The following TASP1 variants were observed in gnomAD, a reference collection of about 807,000 sequenced individuals.
The protein encoded by TASP1 is threonine aspartase 1.
A neutral mutation model predicts 56.6 loss-of-function variants in TASP1; 16 were observed. That is an observed-to-expected ratio of 0.28 (90% CI 0.19 to 0.43). The LOEUF is 0.43. Ranked by LOEUF, TASP1 falls within the 20% of genes least tolerant of loss-of-function variation. The pLI, the probability that TASP1 is intolerant of heterozygous loss-of-function variation, is 1.00. For synonymous variants in TASP1, 179 were observed against 184.2 expected (o/e 0.97, Z 0.23); for missense variants, 393 against 511.6 (o/e 0.77, Z 2.24).
chr20:13,595,775 T>A (rs2047706066), intron 4 of TASP1, among the ~76,000 whole-genome samples: 1 of 152,134 alleles, frequency 6.6e-6, no homozygotes, highest in African/African-American at 2.4e-5. Context: ...ACAATAATAA[T>A]GGGAGACTTT....
intron 10 of TASP1, among the ~76,000 whole-genome samples, chr20:13,525,683 G>T (rs1043958312): frequency 6.6e-6 from 1 of 152,126 alleles, no homozygotes; most frequent in African/African-American, 2.4e-5. Context: ...CCAAACAGTT[G>T]CAAAATTCAG....
intron 6 of TASP1, among the ~76,000 whole-genome samples, chr20:13,575,555 G>A (rs961056348): frequency 1.1e-3 from 162 of 152,250 alleles, no homozygotes; most frequent in Admixed American, 2.1e-3. Context: ...GTGAGGCTTC[G>A]CCAGCCATGT....
the TASP1 span, among the ~76,000 whole-genome samples, chr20:13,289,552 G>C: frequency 6.6e-6 from 1 of 152,128 alleles, no homozygotes; most frequent in Non-Finnish European, 1.5e-5. Context: ...GGCCAGGTCT[G>C]GCTCGAGACC....
chr20:13,473,238 C>CA (rs1328545834), intron 11 of TASP1, among the ~76,000 whole-genome samples: 2 of 147,540 alleles, frequency 1.4e-5, no homozygotes, highest in African/African-American at 5.0e-5. Context: ...ATTGCAAGGA[C>CA]AAAAAACCAA....
At chr20:13,155,466 C>T in the TASP1 span, among the ~76,000 whole-genome samples, 1 of 152,118 alleles carries the variant, frequency 6.6e-6, no homozygotes, top group Non-Finnish European at 1.5e-5. Flanking sequence ...TTATAAGTTC[C>T]TAAAAGACAG....
chr20:13,610,852 T>C (rs1027053478), intron 4 of TASP1, among the ~76,000 whole-genome samples: 17 of 152,158 alleles, frequency 1.1e-4, no homozygotes, highest in Non-Finnish European at 2.2e-4. Context: ...CCAGTGTAAA[T>C]GAACTCCGTC....
chr20:13,616,420 T>C (rs1015489482), intron 4 of TASP1, among the ~76,000 whole-genome samples: 8 of 152,092 alleles, frequency 5.3e-5, no homozygotes, highest in Admixed American at 4.6e-4. Context: ...TCTCTTCTAC[T>C]AGATTCAGCC....
At chr20:13,292,270 A>G in the TASP1 span, 11 of 716,440 alleles carry the variant, frequency 1.5e-5, no homozygotes, top group South Asian at 1.9e-4. Context: ...AGTAATGAAT[A>G]CAAAAAAGGC....
At chr20:13,126,712 C>T in the TASP1 span, 2 of 1,613,812 alleles carry the variant, frequency 1.2e-6, no homozygotes, top group African/African-American at 1.3e-5. Flanking sequence ...GATGGGACCA[C>T]TCAAGGTAAG....
intron 10 of TASP1, among the ~76,000 whole-genome samples, chr20:13,505,090 T>C (rs2044080573): frequency 6.6e-6 from 1 of 151,864 alleles, no homozygotes; most frequent in South Asian, 2.1e-4. Flanking sequence ...AAAAAAGATA[T>C]AAATGAAAAC....
chr20:13,251,319 A>T, the TASP1 span, among the ~76,000 whole-genome samples: 3 of 152,240 alleles, frequency 2.0e-5, no homozygotes, highest in African/African-American at 7.2e-5. Context: ...AAAAATGTTT[A>T]TGGAGACTGT....
At chr20:13,134,670 C>T in the TASP1 span, among the ~76,000 whole-genome samples, 3 of 151,854 alleles carry the variant, frequency 2.0e-5, no homozygotes, top group African/African-American at 7.3e-5. Flanking sequence ...CATGTTTCTA[C>T]GTAACAGAAA....
At chr20:13,288,599 A>T in the TASP1 span, 1 of 1,613,878 alleles carries the variant, frequency 6.2e-7, no homozygotes, top group Non-Finnish European at 8.5e-7. Context: ...CACCTGCGGG[A>T]ACGGCAACCA....
At chr20:13,496,923 T>A (rs1431112195) in intron 10 of TASP1, among the ~76,000 whole-genome samples, 1 of 152,166 alleles carries the variant, frequency 6.6e-6, no homozygotes, top group Non-Finnish European at 1.5e-5. Context: ...AGAGCCATGG[T>A]CTCTTCTATT....
At chr20:13,361,637 G>A in the TASP1 span, among the ~76,000 whole-genome samples, 1 of 143,018 alleles carries the variant, frequency 7.0e-6, no homozygotes, top group East Asian at 2.0e-4. Context: ...CCAGACACCA[G>A]ACCAACTTGG....
Position 13,508,710 on chromosome 20 carries a change from C to T in TASP1, c.874+19723G>A, listed in dbSNP as rs74894915. Among the ~76,000 whole-genome samples the T allele has an allele frequency of 1.5e-4, 23 of 152,236 alleles. 2 individuals carry two copies. Among genetic ancestry groups the T allele is most frequent in the Middle Eastern group, 3.4e-3 (1 of 294 alleles). ...AATAGGACATTCTCCCAAAGATACACAAATAGCCAATAGGTAGTTATATGA... is the reference window on the plus strand; with the variant it reads ...AATAGGACATTCTCCCAAAGATACATAAATAGCCAATAGGTAGTTATATGA... On this transcript the variant is annotated intron_variant, in intron 10 of 13. Coordinates refer to ENST00000337743, the MANE Select transcript of TASP1 (RefSeq NM_017714.3).
chr20:13,594,453 C>A (rs1455806812), intron 4 of TASP1, among the ~76,000 whole-genome samples: 1 of 152,132 alleles, frequency 6.6e-6, no homozygotes, highest in Admixed American at 6.6e-5. Flanking sequence ...TGTTCTAACA[C>A]ATCGCAAAAA....
At position 13,427,485 on chromosome 20, in the gene TASP1, G is replaced by A. The variant is rs940264577; in HGVS notation, c.1096+7559C>T. ...TTCAGGTAATTATGTGAGAACATGC[G>A]GAAATTTTCATATAATAAATCATAT... On this transcript the variant is annotated intron_variant, in intron 12 of 13. Transcript: ENST00000337743. 7.2e-5 allele frequency among the ~76,000 whole-genome samples: 11 copies of A among 152,190 alleles called. No homozygotes were observed. In the East Asian group the frequency reaches 9.6e-4, roughly 13 times the overall value.
intron 11 of TASP1, among the ~76,000 whole-genome samples, chr20:13,444,957 G>A (rs2043350684): frequency 6.6e-6 from 1 of 152,148 alleles, no homozygotes; most frequent in Non-Finnish European, 1.5e-5. Flanking sequence ...CTGGTGATAA[G>A]CATAATATTA....
Sources: allele counts gnomAD v4.1 joint callset (sites outside exome capture counted in the v4.1 genomes callset), GRCh38; gene constraint gnomAD v4.1.1; transcripts MANE v1.5; gene names NCBI Gene and HGNC (gene_info 2026-07-23, HGNC 2026-07-21).